The following RANBP2 variants were observed in gnomAD, a reference collection of about 807,000 sequenced individuals.
RANBP2 encodes RAN binding protein 2.
Under a neutral mutation model 303.6 loss-of-function variants are expected in RANBP2, and 57 were observed. The ratio of observed to expected loss-of-function variants is 0.19; its 90% CI spans 0.15 to 0.23. RANBP2 has a LOEUF of 0.23. Among genes scored for constraint, RANBP2 ranks in the 10% least tolerant of loss-of-function variants. The pLI, the probability that RANBP2 is intolerant of heterozygous loss-of-function variation, is 1.00. For missense variants in RANBP2, 3,138 were observed against 3,780.8 expected (o/e 0.83, Z 4.46); for synonymous variants, 1,167 against 1,301.5 (o/e 0.90, Z 2.23).
At chr2:109,587,273 G>A in the RANBP2 span, among the ~76,000 whole-genome samples, 1 of 152,048 alleles carries the variant, frequency 6.6e-6, no homozygotes, top group Non-Finnish European at 1.5e-5. Context: ...ACTAACAGCA[G>A]ATCAAATAAT....
intron 23 of RANBP2, 36 bp downstream of exon 23, chr2:108,773,082 C>G: frequency 6.4e-7 from 1 of 1,571,448 alleles, no homozygotes. Context: ...CTTCTAGTTC[C>G]ATTGCCTTTG....
intron 17 of RANBP2, among the ~76,000 whole-genome samples, chr2:108,756,861 G>T (rs2149248073): frequency 6.6e-6 from 1 of 152,296 alleles, no homozygotes. Context: ...CAAATTCAAA[G>T]CTCTGGTGCG....
chr2:108,875,765 G>A, the RANBP2 span, among the ~76,000 whole-genome samples: 3,024 of 152,234 alleles, frequency 0.02, 99 homozygotes, highest in African/African-American at 0.069. Flanking sequence ...AGGCTGAGAT[G>A]GGAGGATTGC....
rs754205401 is a variant in RANBP2 at position 108,736,252 on chromosome 2, A to G, written c.782+3A>G. ...GAAAGTAGAGAATTACTGCAAAGGT[A>G]CGTTGACTTTGAGAAGAATGCTTTA... is the stretch of plus-strand genomic sequence containing the variant. On this transcript the variant is annotated splice_donor_region_variant and intron_variant, in intron 6 of 28. Coordinates refer to ENST00000283195, the MANE Select transcript of RANBP2 (RefSeq NM_006267.5). 7 of 1,612,008 alleles carry G rather than the reference A, an allele frequency of 4.3e-6. No homozygotes were observed. The highest frequency in any genetic ancestry group is 2.2e-5 in the South Asian group (2 of 90,994).
the RANBP2 span, chr2:109,503,469 A>G: frequency 5.9e-5 from 9 of 152,174 alleles, no homozygotes; most frequent in Non-Finnish European, 1.0e-4. Flanking sequence ...AATAGATTTA[A>G]TAGACTCAAA....
At chr2:109,297,253 C>T in the RANBP2 span, among the ~76,000 whole-genome samples, 12 of 151,926 alleles carry the variant, frequency 7.9e-5, no homozygotes, top group African/African-American at 2.2e-4. Flanking sequence ...TCATCATCAT[C>T]GTCATCACTG....
the RANBP2 span, among the ~76,000 whole-genome samples, chr2:109,497,807 A>G: frequency 6.6e-6 from 1 of 152,264 alleles, no homozygotes; most frequent in East Asian, 1.9e-4. Context: ...CTAACAAATT[A>G]TATTTTTAAA....
At chr2:108,921,941 G>A in the RANBP2 span, among the ~76,000 whole-genome samples, 3 of 152,358 alleles carry the variant, frequency 2.0e-5, no homozygotes, top group East Asian at 1.9e-4. Flanking sequence ...CCTCGGAGCC[G>A]GCTTTCAGTA....
the RANBP2 span, among the ~76,000 whole-genome samples, chr2:108,971,169 T>C: frequency 5.3e-4 from 81 of 152,174 alleles, 3 homozygotes; most frequent in Non-Finnish European, 1.0e-4. Flanking sequence ...GCTGGCTACA[T>C]GTTTTCCGTC....
the RANBP2 span, among the ~76,000 whole-genome samples, chr2:109,428,471 G>A: frequency 2.5e-4 from 38 of 152,290 alleles, no homozygotes; most frequent in Admixed American, 6.5e-4. Context: ...CGGCCCAGCC[G>A]CCAGCCTATC....
At chr2:108,853,898 T>C in the RANBP2 span, among the ~76,000 whole-genome samples, 1 of 119,762 alleles carries the variant, frequency 8.3e-6, no homozygotes, top group Non-Finnish European at 1.6e-5. Flanking sequence ...ATAGTATATA[T>C]ATTATATATT....
At chr2:109,341,370 C>T in the RANBP2 span, among the ~76,000 whole-genome samples, 2 of 152,256 alleles carry the variant, frequency 1.3e-5, no homozygotes, top group Non-Finnish European at 2.9e-5. Flanking sequence ...TAAGGTAAGG[C>T]CAAGAGTTGT....
At chr2:109,270,065 G>A in the RANBP2 span, among the ~76,000 whole-genome samples, 1,316 of 152,338 alleles carry the variant, frequency 8.6e-3, 6 homozygotes, top group Non-Finnish European at 0.014. Context: ...GCAGGATGCC[G>A]TGAGCTTGGC....
At chr2:109,683,292 C>T in the RANBP2 span, among the ~76,000 whole-genome samples, 1 of 152,216 alleles carries the variant, frequency 6.6e-6, no homozygotes, top group Non-Finnish European at 1.5e-5. Context: ...AAGCGTGAGC[C>T]ACTGTGCCCA....
the RANBP2 span, among the ~76,000 whole-genome samples, chr2:109,052,391 G>C: frequency 6.6e-6 from 1 of 152,186 alleles, no homozygotes; most frequent in East Asian, 1.9e-4. Flanking sequence ...AGCATAGGTA[G>C]CTATATCAGT....
rs1678505303 is a variant in RANBP2 at position 108,784,919 on chromosome 2, C to T, written c.*1018C>T. 6.6e-6 allele frequency: 1 copy of T among 152,206 alleles called. No homozygotes were observed. Among genetic ancestry groups the T allele is most frequent in the Non-Finnish European group, 1.5e-5 (1 of 68,018 alleles). The allele number at this position is 152,206 out of a possible 1,614,324, so 9.4% of individuals were successfully genotyped here. ...AGCTCCTAGTTTCTCAAGTTTGATA[C>T]ACACCAAAAACGTATTTGGAAATGG... On this transcript the variant is annotated 3_prime_UTR_variant, in exon 29 of 29. Coordinates refer to ENST00000283195, the MANE Select transcript of RANBP2 (RefSeq NM_006267.5).
chr2:109,593,785 C>T, the RANBP2 span, among the ~76,000 whole-genome samples: 1 of 152,078 alleles, frequency 6.6e-6, no homozygotes, highest in Non-Finnish European at 1.5e-5. Flanking sequence ...AGAGGAAATA[C>T]AAATGTCAAG....
chr2:108,758,537 C>T lies in RANBP2; in HGVS notation c.2591C>T (p.Ala864Val), dbSNP rs1676493849. Residue 864 changes from alanine (A) to valine (V), a missense_variant, in exon 18 of 29, where the codon GCT becomes GTT. Ala to Val is a moderately conservative substitution (Grantham distance 64). Around this residue, in one of 20 missense-constraint regions of RANBP2, gnomAD observed 26 missense variants for 58.0 expected, o/e 0.45. Coordinates refer to ENST00000283195, the MANE Select transcript of RANBP2 (RefSeq NM_006267.5). ...GYQGSQTFHG[A>V]PLTVATTGPS... ...CAGGGGTCACAGACATTTCATGGGG[C>T]TCCACTAACAGGTGAGCTGGCAAGT... The T allele has an allele frequency of 6.2e-7, 1 of 1,611,066 alleles. No homozygotes were observed. Among genetic ancestry groups the T allele is most frequent in the Non-Finnish European group, 8.5e-7 (1 of 1,179,712 alleles).
At chr2:109,077,058 G>T in the RANBP2 span, among the ~76,000 whole-genome samples, 1 of 150,238 alleles carries the variant, frequency 6.7e-6, no homozygotes, top group African/African-American at 2.4e-5. Flanking sequence ...GAAACCAATG[G>T]AACAAAATAG....
Sources: allele counts gnomAD v4.1 joint callset (sites outside exome capture counted in the v4.1 genomes callset), GRCh38; gene constraint gnomAD v4.1.1; regional missense constraint gnomAD v4.1.1; transcripts MANE v1.5; gene names NCBI Gene and HGNC (gene_info 2026-07-23, HGNC 2026-07-21).